The following DLG2 variants were observed in gnomAD, a reference collection of about 807,000 sequenced individuals.
DLG2 encodes disks large homolog 2.
Under a neutral mutation model 132.5 loss-of-function variants are expected in DLG2, and 45 were observed. The observed-to-expected ratio is 0.34, with a 90% confidence interval of 0.27 to 0.44. The LOEUF (loss-of-function observed/expected upper bound fraction) is 0.44. DLG2 is among the 20% of genes least tolerant of loss of function. DLG2 has a pLI of 1.00. For missense variants in DLG2, 1,045 were observed against 1,196.9 expected (o/e 0.87, Z 1.87); for synonymous variants, 424 against 419.6 (o/e 1.01, Z -0.13).
chr11:84,470,422 T>G (rs539409766), intron 7 of DLG2, among the ~76,000 whole-genome samples: 1 of 151,732 alleles, frequency 6.6e-6, no homozygotes, highest in Non-Finnish European at 1.5e-5. Flanking sequence ...AATAAGTCAT[T>G]GTTCCTGTTG....
chr11:84,872,588 C>A (rs2085643286), intron 6 of DLG2, among the ~76,000 whole-genome samples: 1 of 152,190 alleles, frequency 6.6e-6, no homozygotes, highest in Admixed American at 6.5e-5. Flanking sequence ...AATAATTTCA[C>A]AAAAGAGATA....
At position 84,798,092 on chromosome 11, in the gene DLG2, A is replaced by G. The variant is rs537721278; in HGVS notation, c.358-263361T>C. On this transcript the variant is annotated intron_variant, in intron 6 of 27. Transcript: ENST00000376104. ...GGGTAACACAAGCACCACTATAGCC[A>G]TGACGACTGGAACTGCCCTGGGTCA... Among the ~76,000 whole-genome samples the G allele has an allele frequency of 5.3e-5, 8 of 152,318 alleles. No individual in the cohort carries two copies. In the East Asian group the frequency reaches 7.7e-4, roughly 15 times the overall value.
chr11:83,970,436 T>G (rs1418400379), intron 12 of DLG2, among the ~76,000 whole-genome samples: 1 of 152,158 alleles, frequency 6.6e-6, no homozygotes, highest in Non-Finnish European at 1.5e-5. Context: ...TGGTTTAAAA[T>G]AGTGGTAGTT....
At chr11:84,557,473 A>G (rs2099414213) in intron 6 of DLG2, among the ~76,000 whole-genome samples, 1 of 152,158 alleles carries the variant, frequency 6.6e-6, no homozygotes, top group East Asian at 1.9e-4. Context: ...TATGATCTTT[A>G]CTGATACAGT....
chr11:84,174,477 G>A (rs1362625322), intron 8 of DLG2, among the ~76,000 whole-genome samples: 1 of 152,092 alleles, frequency 6.6e-6, no homozygotes, highest in Non-Finnish European at 1.5e-5. Flanking sequence ...TTCTAGCCAA[G>A]TAATTGAGCT....
chr11:83,520,682 G>A (rs1050099021), intron 21 of DLG2, among the ~76,000 whole-genome samples: 1 of 145,384 alleles, frequency 6.9e-6, no homozygotes. Flanking sequence ...AAGACAGACA[G>A]GTAAGTAGGT....
At chr11:85,216,984 G>A (rs940753865) in intron 4 of DLG2, among the ~76,000 whole-genome samples, 28 of 152,090 alleles carry the variant, frequency 1.8e-4, no homozygotes, top group African/African-American at 6.3e-4. Context: ...GTGAGCCGCC[G>A]CGCCTGGCCT....
chr11:85,515,016 T>C (rs1407196285), intron 3 of DLG2, among the ~76,000 whole-genome samples: 2 of 151,978 alleles, frequency 1.3e-5, no homozygotes, highest in African/African-American at 4.8e-5. Flanking sequence ...TAGAATCATC[T>C]ATATTTGTGA....
chr11:83,465,856 A>G (rs1226111918), intron 26 of DLG2, among the ~76,000 whole-genome samples: 2 of 152,220 alleles, frequency 1.3e-5, no homozygotes, highest in African/African-American at 4.8e-5. Context: ...TGGCAAAGTA[A>G]AGAACCAAAT....
At chr11:85,416,746 C>G (rs565759337) in intron 3 of DLG2, among the ~76,000 whole-genome samples, 3 of 152,186 alleles carry the variant, frequency 2.0e-5, no homozygotes, top group East Asian at 3.9e-4. Flanking sequence ...CTCTGTTTGT[C>G]TATTGTTGGT....
At chr11:84,805,463 A>G (rs1197352057) in intron 6 of DLG2, among the ~76,000 whole-genome samples, 1 of 152,212 alleles carries the variant, frequency 6.6e-6, no homozygotes, top group African/African-American at 2.4e-5. Flanking sequence ...GTTCAACTGT[A>G]ATCTCCAGTG....
chr11:83,980,337 A>T (rs567811033), intron 12 of DLG2, among the ~76,000 whole-genome samples, 169 bp downstream of exon 12: 7 of 152,300 alleles, frequency 4.6e-5, no homozygotes, highest in African/African-American at 1.7e-4. Flanking sequence ...AATCGGTTGG[A>T]ACCTTGGACT....
rs56033752 is a variant in DLG2 at position 84,187,899 on chromosome 11, G to A, written c.574-24388C>T. Among the ~76,000 whole-genome samples the A allele has an allele frequency of 9.2e-3, 1,395 of 152,192 alleles. 16 individuals are homozygous for A. Among genetic ancestry groups the A allele is most frequent in the African/African-American group, 0.031 (1,278 of 41,568 alleles). ...GCATAAGGGAAATTACCTTGGCAAC[G>A]TGGCATATATTCTTTTGGAGAGAGC... is the stretch of plus-strand genomic sequence containing the variant. On this transcript the variant is annotated intron_variant, in intron 8 of 27. Transcript: ENST00000376104.
chr11:84,436,861 C>T (rs751053661), intron 7 of DLG2, among the ~76,000 whole-genome samples: 9 of 152,258 alleles, frequency 5.9e-5, no homozygotes, highest in Non-Finnish European at 8.8e-5. Flanking sequence ...ACTTTTGAAA[C>T]GATGGCTTAG....
chr11:84,204,033 C>A (rs529549370), intron 8 of DLG2, among the ~76,000 whole-genome samples: 3 of 152,290 alleles, frequency 2.0e-5, no homozygotes, highest in Admixed American at 2.0e-4. Flanking sequence ...TCTCAGATCA[C>A]CACAACCTCT....
At chr11:85,027,268 A>G (rs542978886) in intron 6 of DLG2, among the ~76,000 whole-genome samples, 2 of 150,484 alleles carry the variant, frequency 1.3e-5, no homozygotes, top group South Asian at 4.2e-4. Context: ...ATATACACAT[A>G]CATCAGAAAG....
intron 7 of DLG2, among the ~76,000 whole-genome samples, chr11:84,499,448 C>T (rs766962891): frequency 6.6e-6 from 1 of 152,144 alleles, no homozygotes; most frequent in African/African-American, 2.4e-5. Context: ...GGTGCTAACA[C>T]ATAAGTATTG....
At chr11:84,246,048 G>A (rs577907168) in intron 8 of DLG2, among the ~76,000 whole-genome samples, 1 of 152,316 alleles carries the variant, frequency 6.6e-6, no homozygotes, top group South Asian at 2.1e-4. Flanking sequence ...ACCCTGGATA[G>A]CTACTGTCCC....
At chr11:85,041,377 T>G (rs946152000) in intron 6 of DLG2, among the ~76,000 whole-genome samples, 1 of 151,968 alleles carries the variant, frequency 6.6e-6, no homozygotes, top group Non-Finnish European at 1.5e-5. Flanking sequence ...GCCTATCTGA[T>G]TCACTGTCAC....
Sources: gnomAD v4.1 joint callset for allele counts (sites outside exome capture counted in the v4.1 genomes callset) on GRCh38, gnomAD v4.1.1 for gene constraint, MANE v1.5 for transcripts, NCBI Gene and HGNC (gene_info 2026-07-23, HGNC 2026-07-21) for gene names.